The following TMEM106B variants were observed in gnomAD, a reference collection of about 807,000 sequenced individuals.
TMEM106B encodes transmembrane protein 106B.
In TMEM106B, 15 loss-of-function variants were observed where a neutral mutation model predicts 31.1. That is an observed-to-expected ratio of 0.48 (90% CI 0.32 to 0.74). The LOEUF is 0.74. Among genes scored for constraint, TMEM106B ranks in the 30% least tolerant of loss-of-function variants. The pLI is 0.03. For missense variants in TMEM106B, 283 were observed against 327.3 expected, an observed-to-expected ratio of 0.86 and a Z score of 1.04; for synonymous variants, 126 against 112.5, an observed-to-expected ratio of 1.12 and a Z score of -0.76.
chr7:12,239,002 T>A lies in TMEM106B; in HGVS notation c.*7027T>A, dbSNP rs780643332. ...TAAAGCTTTAAAGGCAAGCATTGACTTCTCTTTAGCTATGAAAGTTTTAGA... is the reference window on the plus strand; with the variant it reads ...TAAAGCTTTAAAGGCAAGCATTGACATCTCTTTAGCTATGAAAGTTTTAGA... On this transcript the variant is annotated 3_prime_UTR_variant, in exon 8 of 8. Transcript: ENST00000396668. The A allele has an allele frequency of 1.3e-5, 2 of 152,150 alleles. No individual in the cohort carries two copies. The highest frequency in any genetic ancestry group is 2.9e-5 in the Non-Finnish European group (2 of 68,000). 9.4% of individuals were successfully genotyped at this position (152,150 alleles called of 1,614,324 possible). A position where few individuals can be genotyped will look rare whatever the true frequency, so the allele number is the denominator to read the frequency against.
At chr7:12,227,415 C>T (rs1409370046) in intron 4 of TMEM106B, among the ~76,000 whole-genome samples, 2 of 151,930 alleles carry the variant, frequency 1.3e-5, no homozygotes, top group Non-Finnish European at 2.9e-5. Flanking sequence ...CATATATTTA[C>T]GAACAATGCA....
rs185013638 is a variant in TMEM106B, at chr7:12,222,627, T to C, written c.282-1599T>C. On this transcript the variant is annotated intron_variant, in intron 3 of 7. Coordinates refer to ENST00000396668, the MANE Select transcript of TMEM106B (RefSeq NM_001134232.2). Reference sequence around the variant, plus strand: ...ATGTATTTTGGTGTGTTATAGATACTATAAACGTGTTTAAATTTCCTATTA... The same window carrying C: ...ATGTATTTTGGTGTGTTATAGATACCATAAACGTGTTTAAATTTCCTATTA... Among the ~76,000 whole-genome samples the C allele has an allele frequency of 1.2e-3, 180 of 152,336 alleles. 1 individual carries two copies. Among genetic ancestry groups the C allele is most frequent in the Admixed American group, 2.6e-3 (40 of 15,302 alleles).
intron 3 of TMEM106B, among the ~76,000 whole-genome samples, chr7:12,223,175 G>A (rs1435524): frequency 0.51 from 76,994 of 151,966 alleles, 20,544 homozygotes; most frequent in African/African-American, 0.66. Flanking sequence ...ATACCTGCAT[G>A]AAATATCTTT....
At chr7:12,218,591 T>A in intron 3 of TMEM106B, 70 bp downstream of exon 3, 2 of 1,269,946 alleles carry the variant, frequency 1.6e-6, no homozygotes, top group Non-Finnish European at 2.2e-6. Flanking sequence ...TCAAATTATG[T>A]ATAATAACTA....
At chr7:12,216,627 G>A (rs939563198) in intron 2 of TMEM106B, among the ~76,000 whole-genome samples, 9 of 152,134 alleles carry the variant, frequency 5.9e-5, no homozygotes, top group Admixed American at 5.9e-4. Context: ...TGAGACCCTA[G>A]CGAATCCTGA....
At chr7:12,223,928 T>G (rs1781841798) in intron 3 of TMEM106B, among the ~76,000 whole-genome samples, 2 of 151,806 alleles carry the variant, frequency 1.3e-5, no homozygotes. Context: ...ACTGTGTTGG[T>G]CAGGCTGGTC....
intron 5 of TMEM106B, 68 bp from the exon 6 acceptor site, chr7:12,230,321 T>C (rs1353654091): frequency 1.8e-6 from 2 of 1,113,456 alleles, no homozygotes; most frequent in African/African-American, 3.1e-5. Context: ...TTTGAAGTTA[T>C]GAAGTATATC....
At chr7:12,218,545 A>G in intron 3 of TMEM106B, 24 bp downstream of exon 3, 1 of 1,586,138 alleles carries the variant, frequency 6.3e-7, no homozygotes, top group Non-Finnish European at 8.6e-7. Context: ...AGAATATGGC[A>G]GTGTTTTATG....
chr7:12,230,300 A>T lies in TMEM106B; in HGVS notation c.583-89A>T, dbSNP rs562465661. 10 of 962,574 alleles carry T rather than the reference A, an allele frequency of 1.0e-5. No individual in the cohort carries two copies. In the African/African-American group the frequency reaches 1.1e-4, roughly 11 times the overall value. The allele number at this position is 962,574 out of a possible 1,614,324, so 59.6% of individuals were successfully genotyped here. ...GAATCAAGCTTGTAAAAGGAGAAAA[A>T]TTTCTAATTATTTGAAGTTATGAAG... is the stretch of plus-strand genomic sequence containing the variant. On this transcript the variant is annotated intron_variant, in intron 5 of 7. Coordinates refer to ENST00000396668, the MANE Select transcript of TMEM106B (RefSeq NM_001134232.2).
chr7:12,219,389 G>A (rs893631904), intron 3 of TMEM106B, among the ~76,000 whole-genome samples: 16 of 152,136 alleles, frequency 1.1e-4, no homozygotes, highest in African/African-American at 3.4e-4. Context: ...TTCCATCACC[G>A]CAAATGAAAC....
Position 12,232,105 on chromosome 7 carries a change from A to C in TMEM106B, c.*130A>C, listed in dbSNP as rs571689883. 1.3e-6 allele frequency: 1 copy of C among 793,494 alleles called. No homozygotes were observed. The highest frequency in any genetic ancestry group is 2.6e-5 in the South Asian group (1 of 38,048). The allele number at this position is 793,494 out of a possible 1,614,324, so 49.2% of individuals were successfully genotyped here. A position where few individuals can be genotyped will look rare whatever the true frequency, so the allele number is the denominator to read the frequency against. ...AGTTTACACTTCTAAGAGTACAGTT[A>C]AAAGTATGTGGACCTGCAGTTCTTG... On this transcript the variant is annotated 3_prime_UTR_variant, in exon 8 of 8. Coordinates refer to ENST00000396668, the MANE Select transcript of TMEM106B (RefSeq NM_001134232.2).
chr7:12,227,876 A>G lies in TMEM106B; in HGVS notation c.442-1803A>G, dbSNP rs139280538. On this transcript the variant is annotated intron_variant, in intron 4 of 7. Transcript: ENST00000396668. ...TGTCTTAATTCTCATAAGGATTTGT[A>G]TTCTCAACCTGTATTACATCATTGA... Among the ~76,000 whole-genome samples the G allele has an allele frequency of 3.7e-3, 567 of 151,924 alleles. 3 individuals are homozygous for G. Among genetic ancestry groups the G allele is most frequent in the African/African-American group, 0.013 (542 of 41,520 alleles).
intron 4 of TMEM106B, among the ~76,000 whole-genome samples, chr7:12,225,870 A>C (rs938947154): frequency 6.6e-6 from 1 of 152,012 alleles, no homozygotes; most frequent in African/African-American, 2.4e-5. Flanking sequence ...ATTAGATCAC[A>C]TTTGTCAATT....
At chr7:12,221,829 C>T (rs1478652685) in intron 3 of TMEM106B, among the ~76,000 whole-genome samples, 4 of 152,128 alleles carry the variant, frequency 2.6e-5, no homozygotes, top group Non-Finnish European at 4.4e-5. Context: ...AGAGGGTGCT[C>T]TTAAGCCTGC....
chr7:12,239,743 T>G lies in TMEM106B; in HGVS notation c.*7768T>G, dbSNP rs949974882. On this transcript the variant is annotated 3_prime_UTR_variant, in exon 8 of 8. Transcript: ENST00000396668. ...TAGGAGAGCAGTCCGAACACACACT[T>G]TTTTTTATTACTTTCACTGCCTTAC... 4.6e-5 allele frequency: 7 copies of G among 152,074 alleles called. No homozygotes were observed. Among genetic ancestry groups the G allele is most frequent in the African/African-American group, 1.7e-4 (7 of 41,400 alleles). The allele number at this position is 152,074 out of a possible 1,614,324, so 9.4% of individuals were successfully genotyped here.
chr7:12,225,202 CT>C (rs1159832320), intron 4 of TMEM106B, among the ~76,000 whole-genome samples: 3 of 152,210 alleles, frequency 2.0e-5, no homozygotes, highest in Admixed American at 1.3e-4. Context: ...TGAACTCATC[CT>C]TTTTTATGGC....
intron 3 of TMEM106B, among the ~76,000 whole-genome samples, chr7:12,220,714 C>G (rs1781769997): frequency 6.6e-6 from 1 of 152,128 alleles, no homozygotes; most frequent in South Asian, 2.1e-4. Flanking sequence ...TCTGCATTTA[C>G]TTTTTGGCTC....
At chr7:12,211,961 T>C (rs948211835) in intron 1 of TMEM106B, among the ~76,000 whole-genome samples, 1 of 152,232 alleles carries the variant, frequency 6.6e-6, no homozygotes, top group African/African-American at 2.4e-5. Flanking sequence ...TAAATAACAC[T>C]GAGCCCACAG....
chr7:12,237,398 T>C lies in TMEM106B; in HGVS notation c.*5423T>C, dbSNP rs1373030994. The C allele has an allele frequency of 1.1e-4, 16 of 152,164 alleles. No homozygotes were observed. The highest frequency in any genetic ancestry group is 1.0e-3 in the Admixed American group (16 of 15,260). 9.4% of individuals were successfully genotyped at this position (152,164 alleles called of 1,614,324 possible). A position where few individuals can be genotyped will look rare whatever the true frequency, so the allele number is the denominator to read the frequency against. ...TTTAGCATTATCTTTGATTTCTTTT[T>C]TTCATTCACTTAACTTCCAATCAGT... is the stretch of plus-strand genomic sequence containing the variant. On this transcript the variant is annotated 3_prime_UTR_variant, in exon 8 of 8. Coordinates refer to ENST00000396668, the MANE Select transcript of TMEM106B (RefSeq NM_001134232.2).
Sources: allele counts gnomAD v4.1 joint callset (sites outside exome capture counted in the v4.1 genomes callset), GRCh38; gene constraint gnomAD v4.1.1; transcripts MANE v1.5; gene names NCBI Gene and HGNC (gene_info 2026-07-23, HGNC 2026-07-21).